ANGPT1: variants seen among roughly 807,000 people sequenced by gnomAD.
ANGPT1 encodes angiopoietin-1.
A neutral mutation model predicts 62.2 loss-of-function variants in ANGPT1; 17 were observed. The observed-to-expected ratio is 0.27, with a 90% CI of 0.19 to 0.41. The LOEUF (loss-of-function observed/expected upper bound fraction) is 0.41, where lower values mean the gene tolerates loss of function less well. ANGPT1 is among the 10% of genes least tolerant of loss of function. ANGPT1 has a pLI of 1.00. For synonymous variants in ANGPT1, 199 were observed against 198.9 expected (o/e 1.00, Z 0.00); for missense variants, 478 against 594.9 (o/e 0.80, Z 2.04).
intron 1 of ANGPT1, among the ~76,000 whole-genome samples, chr8:107,398,889 A>C (rs1403314843): frequency 6.6e-6 from 1 of 152,184 alleles, no homozygotes; most frequent in East Asian, 1.9e-4. Flanking sequence ...ATGTTCTAGG[A>C]AAATCATGAG....
At chr8:107,407,478 A>G (rs1817172698) in intron 1 of ANGPT1, among the ~76,000 whole-genome samples, 2 of 152,138 alleles carry the variant, frequency 1.3e-5, no homozygotes, top group African/African-American at 4.8e-5. Flanking sequence ...TTTCAAAAGA[A>G]TGGGGATGGA....
At chr8:107,376,645 T>A (rs1175202163) in intron 1 of ANGPT1, among the ~76,000 whole-genome samples, 1 of 152,114 alleles carries the variant, frequency 6.6e-6, no homozygotes, top group Non-Finnish European at 1.5e-5. Context: ...TGGTGAGAGA[T>A]ACGGTAAGGC....
chr8:107,392,116 A>G (rs569305706), intron 1 of ANGPT1, among the ~76,000 whole-genome samples: 14 of 152,290 alleles, frequency 9.2e-5, no homozygotes, highest in African/African-American at 3.1e-4. Context: ...GCGAAATCCC[A>G]TAACTTTCTT....
rs6993994 is a variant in ANGPT1, at chr8:107,320,170, A to T, written c.808+1726T>A. Among the ~76,000 whole-genome samples, 812 of 152,262 alleles carry T rather than the reference A, an allele frequency of 5.3e-3. 10 individuals are homozygous for T. The highest frequency in any genetic ancestry group is 0.019 in the African/African-American group (777 of 41,558). ...TCATGGCTATCCTCATTTTTCAAAA[A>T]TGTTTCTTAAATTGAACAGATGTTT... On this transcript the variant is annotated intron_variant, in intron 4 of 8. Transcript: ENST00000517746.
chr8:107,483,195 C>A (rs1234003945), intron 1 of ANGPT1, among the ~76,000 whole-genome samples: 1 of 152,090 alleles, frequency 6.6e-6, no homozygotes, highest in Non-Finnish European at 1.5e-5. Flanking sequence ...CCCTAATGAC[C>A]TTTTCCTTGC....
intron 3 of ANGPT1, among the ~76,000 whole-genome samples, chr8:107,322,378 T>C (rs1218767319): frequency 6.6e-6 from 1 of 152,204 alleles, no homozygotes; most frequent in East Asian, 1.9e-4. Context: ...TTTAGTTTCT[T>C]GGTTTCCTTG....
chr8:107,285,963 G>A (rs74403396), intron 6 of ANGPT1, among the ~76,000 whole-genome samples: 474 of 152,236 alleles, frequency 3.1e-3, no homozygotes, highest in African/African-American at 0.011. Flanking sequence ...GAAAAAGGTA[G>A]AAAGGAAAGG....
chr8:107,367,928 C>A (rs1314724779), intron 1 of ANGPT1, among the ~76,000 whole-genome samples: 1 of 152,198 alleles, frequency 6.6e-6, no homozygotes, highest in African/African-American at 2.4e-5. Context: ...TTAAAATCAT[C>A]CATGAGGGTT....
intron 8 of ANGPT1, among the ~76,000 whole-genome samples, chr8:107,261,388 A>C (rs182251812): frequency 1.1e-4 from 17 of 152,118 alleles, no homozygotes; most frequent in Non-Finnish European, 1.6e-4. Flanking sequence ...ATATGATGCC[A>C]AAAGGATAGT....
At chr8:107,420,416 G>T (rs551748031) in intron 1 of ANGPT1, among the ~76,000 whole-genome samples, 2 of 152,228 alleles carry the variant, frequency 1.3e-5, no homozygotes, top group South Asian at 4.2e-4. Context: ...ATTGCTGTTT[G>T]CTTTATTCCT....
intron 4 of ANGPT1, among the ~76,000 whole-genome samples, chr8:107,312,355 T>C (rs1814894475): frequency 1.3e-5 from 2 of 152,170 alleles, no homozygotes; most frequent in South Asian, 2.1e-4. Flanking sequence ...AGATTTCCCA[T>C]ACATGTGGGA....
At chr8:107,422,766 C>T (rs1304328013) in intron 1 of ANGPT1, among the ~76,000 whole-genome samples, 1 of 152,070 alleles carries the variant, frequency 6.6e-6, no homozygotes, top group Non-Finnish European at 1.5e-5. Context: ...CCAAACAAAT[C>T]GGTCCATTAA....
intron 1 of ANGPT1, among the ~76,000 whole-genome samples, chr8:107,390,923 T>C (rs2130302628): frequency 6.6e-6 from 1 of 152,208 alleles, no homozygotes; most frequent in Middle Eastern, 3.4e-3. Context: ...ATCCCTTCAT[T>C]ATTAAAACGG....
chr8:107,324,984 T>A (rs1017858033), intron 3 of ANGPT1, among the ~76,000 whole-genome samples: 1 of 152,194 alleles, frequency 6.6e-6, no homozygotes, highest in Non-Finnish European at 1.5e-5. Context: ...ACTTATTTTT[T>A]AAAAATTCTT....
chr8:107,481,147 A>T (rs1016508928), intron 1 of ANGPT1, among the ~76,000 whole-genome samples: 1 of 152,140 alleles, frequency 6.6e-6, no homozygotes, highest in African/African-American at 2.4e-5. Context: ...AAACAAGGGC[A>T]ATTTTTCAAG....
At chr8:107,475,661 G>A (rs1339939206) in intron 1 of ANGPT1, among the ~76,000 whole-genome samples, 2 of 151,936 alleles carry the variant, frequency 1.3e-5, no homozygotes, top group East Asian at 1.9e-4. Context: ...CTACAGAATG[G>A]GAGAAAATTT....
At chr8:107,273,398 C>A (rs1259633810) in intron 7 of ANGPT1, among the ~76,000 whole-genome samples, 1 of 152,062 alleles carries the variant, frequency 6.6e-6, no homozygotes, top group Non-Finnish European at 1.5e-5. Flanking sequence ...CTCCAGCATG[C>A]ATTAGCAGAT....
intron 1 of ANGPT1, among the ~76,000 whole-genome samples, chr8:107,391,280 C>T (rs1449554091): frequency 1.6e-4 from 24 of 152,058 alleles, no homozygotes; most frequent in Admixed American, 1.6e-3. Flanking sequence ...ATTTTTTTGT[C>T]TCCGGCCCCA....
intron 1 of ANGPT1, among the ~76,000 whole-genome samples, chr8:107,423,676 A>G (rs1810955525): frequency 1.3e-5 from 2 of 152,086 alleles, no homozygotes; most frequent in Admixed American, 1.3e-4. Flanking sequence ...TAAGACATAC[A>G]TGTAACATTA....
Sources: gnomAD v4.1 joint callset for allele counts (sites outside exome capture counted in the v4.1 genomes callset) on GRCh38, gnomAD v4.1.1 for gene constraint, MANE v1.5 for transcripts, NCBI Gene and HGNC (gene_info 2026-07-23, HGNC 2026-07-21) for gene names.